Variants in IL17RA observed in about 807,000 individuals in gnomAD.
IL17RA encodes interleukin 17 receptor A.
Under a neutral mutation model 50.4 loss-of-function variants are expected in IL17RA, and 34 were observed. That is an observed-to-expected ratio of 0.67 (90% CI 0.51 to 0.90). IL17RA has a LOEUF of 0.90. Among genes scored for constraint, IL17RA ranks in the 40% least tolerant of loss-of-function variants. The probability of loss-of-function intolerance (pLI) is 0.00; values close to 1 mark genes in which losing one functional copy is unlikely to be tolerated. For synonymous variants in IL17RA, 585 were observed against 510.4 expected, an observed-to-expected ratio of 1.15 and a Z score of -1.97; for missense variants, 1,276 against 1,169.8, an observed-to-expected ratio of 1.09 and a Z score of -1.32.
rs1388797607 is a variant in IL17RA, at chr22:17,100,352, C to G, written c.424-3C>G. 1 of 1,614,140 alleles carries G rather than the reference C, an allele frequency of 6.2e-7. No homozygotes were observed. The highest frequency in any genetic ancestry group is 8.5e-7 in the Non-Finnish European group (1 of 1,180,008). On this transcript the variant is annotated splice_polypyrimidine_tract_variant and splice_region_variant and intron_variant, in intron 4 of 12. Coordinates refer to ENST00000319363, the MANE Select transcript of IL17RA (RefSeq NM_014339.7). ...CCACCTTCCCTTCCTCCCTTCTCTT[C>G]AGTGGCGTTTTACCTTCAGCCACTT...
chr22:17,098,338 T>C (rs773162019), intron 3 of IL17RA, among the ~76,000 whole-genome samples: 14 of 151,684 alleles, frequency 9.2e-5, no homozygotes, highest in Non-Finnish European at 1.9e-4. Context: ...GAATGGAGAG[T>C]TTATGTTACA....
At chr22:17,093,338 A>C (rs2061354417) in intron 1 of IL17RA, among the ~76,000 whole-genome samples, 1 of 152,146 alleles carries the variant, frequency 6.6e-6, no homozygotes, top group Non-Finnish European at 1.5e-5. Context: ...GGCTGCCAGC[A>C]TTCTGAGATC....
At chr22:17,105,203 C>G (rs1308434852) in intron 9 of IL17RA, among the ~76,000 whole-genome samples, 1 of 152,184 alleles carries the variant, frequency 6.6e-6, no homozygotes, top group Non-Finnish European at 1.5e-5. Flanking sequence ...CCCCCCACCC[C>G]AAACCCCAGG....
chr22:17,092,988 C>T (rs1257475403), intron 1 of IL17RA, among the ~76,000 whole-genome samples: 1 of 152,132 alleles, frequency 6.6e-6, no homozygotes, highest in Non-Finnish European at 1.5e-5. Flanking sequence ...TGGTGTCCTG[C>T]CCCTGTCTTA....
rs1196155385 is a variant in IL17RA at position 17,114,649 on chromosome 22, G to A, written c.*4829G>A. On this transcript the variant is annotated 3_prime_UTR_variant, in exon 13 of 13. Transcript: ENST00000319363. ...CCTGCATTTGCCTGCTTCCCTGCAC[G>A]GGTGTCCCACTGGCCGCCTCTGCTC... 6.6e-6 allele frequency: 1 copy of A among 152,420 alleles called. No individual in the cohort carries two copies. Among genetic ancestry groups the A allele is most frequent in the Non-Finnish European group, 1.5e-5 (1 of 68,104 alleles). 9.4% of individuals were successfully genotyped at this position (152,420 alleles called of 1,614,324 possible).
intron 11 of IL17RA, 76 bp from the exon 12 acceptor site, chr22:17,107,651 G>A (rs544342967): frequency 1.2e-5 from 15 of 1,279,566 alleles, no homozygotes; most frequent in Non-Finnish European, 1.7e-5. Context: ...TGTCAGGGAT[G>A]GGGCAGACAC....
chr22:17,091,988 C>T (rs1188673715), intron 1 of IL17RA, among the ~76,000 whole-genome samples: 1 of 152,156 alleles, frequency 6.6e-6, no homozygotes, highest in African/African-American at 2.4e-5. Context: ...GGCTGGCAGC[C>T]TCTAGGCAGC....
rs184559727 is a variant in IL17RA, at chr22:17,096,698, G to T, written c.139-364G>T. On this transcript the variant is annotated intron_variant, in intron 1 of 12. Coordinates refer to ENST00000319363, the MANE Select transcript of IL17RA (RefSeq NM_014339.7). The stretch of plus-strand genomic sequence containing the variant: ...ATCCTGGCTAACACAGTGAAATCCC[G>T]TCTCTACTAAAAACACAAAAAAGTA... Among the ~76,000 whole-genome samples the T allele has an allele frequency of 6.6e-5, 10 of 151,962 alleles. 2 individuals carry two copies. The highest frequency in any genetic ancestry group is 2.4e-4 in the African/African-American group (10 of 41,436).
chr22:17,096,310 T>C (rs2061367868), intron 1 of IL17RA, among the ~76,000 whole-genome samples: 1 of 152,284 alleles, frequency 6.6e-6, no homozygotes, highest in Non-Finnish European at 1.5e-5. Flanking sequence ...GGGCTGAGGA[T>C]AATACCTCGT....
intron 4 of IL17RA, among the ~76,000 whole-genome samples, chr22:17,099,814 T>C (rs1462080239): frequency 6.6e-6 from 1 of 152,112 alleles, no homozygotes; most frequent in East Asian, 1.9e-4. Flanking sequence ...GAAAATAACT[T>C]AGCACAAATT....
chr22:17,095,406 G>T (rs1344767890), intron 1 of IL17RA, among the ~76,000 whole-genome samples: 2 of 152,146 alleles, frequency 1.3e-5, no homozygotes, highest in Admixed American at 6.6e-5. Flanking sequence ...GCACCACTGG[G>T]AATCAACCAA....
intron 5 of IL17RA, among the ~76,000 whole-genome samples, chr22:17,100,767 C>G (rs887759199): frequency 6.6e-6 from 1 of 152,202 alleles, no homozygotes; most frequent in Non-Finnish European, 1.5e-5. Context: ...TAGAGAAGCA[C>G]CCAGCCTGCC....
chr22:17,102,968 C>T (rs1280416958), intron 7 of IL17RA, among the ~76,000 whole-genome samples: 1 of 152,042 alleles, frequency 6.6e-6, no homozygotes, highest in Non-Finnish European at 1.5e-5. Context: ...ATGATGAAAC[C>T]CCATCTCTAC....
Position 17,100,456 on chromosome 22 carries a change from C to G in IL17RA, c.525C>G (p.His175Gln). 1.2e-6 allele frequency: 2 copies of G among 1,614,200 alleles called. No homozygotes were observed. Among genetic ancestry groups the G allele is most frequent in the Non-Finnish European group, 1.7e-6 (2 of 1,180,032 alleles). Residue 175 changes from histidine to glutamine, a missense_variant, in exon 5 of 13, where the codon CAC becomes CAG. By Grantham distance (24) the His-to-Gln change is conservative (BLOSUM62 0). Coordinates refer to ENST00000319363, the MANE Select transcript of IL17RA (RefSeq NM_014339.7). ...PKPIPDGDPNHQSKNFLVPDC... is the reference protein window; with the variant it reads ...PKPIPDGDPNQQSKNFLVPDC... ...CCATCCCTGATGGGGACCCAAACCACCAGTCCAAGAATTTCCTTGTGCCTG... is the reference window on the plus strand; with the variant it reads ...CCATCCCTGATGGGGACCCAAACCAGCAGTCCAAGAATTTCCTTGTGCCTG...
intron 8 of IL17RA, 88 bp from the exon 9 acceptor site, chr22:17,104,638 A>T: frequency 2.6e-6 from 3 of 1,173,824 alleles, no homozygotes; most frequent in Non-Finnish European, 3.8e-6. Flanking sequence ...GCCAGCCAGG[A>T]TCCCCTCCTC....
chr22:17,109,624 C>G lies in IL17RA; in HGVS notation c.2405C>G (p.Pro802Arg). 6.2e-7 allele frequency: 1 copy of G among 1,608,010 alleles called. No individual in the cohort carries two copies. Residue 802 changes from proline to arginine, a missense_variant, in exon 13 of 13, where the codon CCG becomes CGG. Coordinates refer to ENST00000319363, the MANE Select transcript of IL17RA (RefSeq NM_014339.7). The stretch of plus-strand genomic sequence containing the variant: ...CAGGGCTACATCTCCAGGAGCTCCC[C>G]GCAGCCCCCCGAGGGACTCACGGAA... ...SDQGYISRSS[P>R]QPPEGLTEME...
rs777163699 is a variant in IL17RA at position 17,109,730 on chromosome 22, G to A, written c.2511G>A (p.Arg837=). Residue 837 remains arginine (R), a synonymous_variant, in exon 13 of 13, where the codon AGG becomes AGA. Coordinates refer to ENST00000319363, the MANE Select transcript of IL17RA (RefSeq NM_014339.7). ...PLSPEDLESL[R]SLQRQLLFRQ... ...CTCCCGAGGACCTGGAGAGCCTGAG[G>A]AGCCTCCAGCGGCAGCTGCTTTTCC... 4 of 1,574,980 alleles carry A rather than the reference G, an allele frequency of 2.5e-6. No individual in the cohort carries two copies. The highest frequency in any genetic ancestry group is 3.4e-6 in the Non-Finnish European group (4 of 1,160,902).
rs748294739 is a variant in IL17RA at position 17,111,930 on chromosome 22, GC to G, written c.*2113del. The G allele has an allele frequency of 2.0e-5, 3 of 152,076 alleles. No individual in the cohort carries two copies. Among genetic ancestry groups the G allele is most frequent in the Non-Finnish European group, 4.4e-5 (3 of 68,014 alleles). The allele number at this position is 152,076 out of a possible 1,614,324, so 9.4% of individuals were successfully genotyped here. On this transcript the variant is annotated 3_prime_UTR_variant, in exon 13 of 13. Transcript: ENST00000319363. Reference sequence around the variant, plus strand: ...AGCTCTGTGTCCCAGATGGTGTATGGCCCATAATCCACCCAACAGCAGCAAA... The same window carrying G: ...AGCTCTGTGTCCCAGATGGTGTATGGCCATAATCCACCCAACAGCAGCAAA...
rs1434610501 is a variant in IL17RA, at chr22:17,101,906, A to G, written c.551-90A>G. ...ACCTGCGGACAGGCTCCCAGTGGGG[A>G]AAAGATTGTTGTTCTTGGTGTCAGG... On this transcript the variant is annotated intron_variant, in intron 5 of 12. Transcript: ENST00000319363. The G allele has an allele frequency of 3.9e-6, 6 of 1,537,990 alleles. No individual in the cohort carries two copies. In the African/African-American group the frequency reaches 4.1e-5, roughly 10 times the overall value.
Sources: gnomAD v4.1 joint callset for allele counts (sites outside exome capture counted in the v4.1 genomes callset) on GRCh38, gnomAD v4.1.1 for gene constraint, MANE v1.5 for transcripts, NCBI Gene and HGNC (gene_info 2026-07-23, HGNC 2026-07-21) for gene names.